The following SPTBN1 variants were observed in gnomAD, a reference collection of about 807,000 sequenced individuals.
SPTBN1 encodes spectrin beta, non-erythrocytic 1.
A neutral mutation model predicts 266.4 loss-of-function variants in SPTBN1; 32 were observed. The ratio of observed to expected loss-of-function variants is 0.12; its 90% CI spans 0.09 to 0.16. The LOEUF is 0.16. SPTBN1 is among the 10% of genes least tolerant of loss of function. The probability of loss-of-function intolerance (pLI) is 1.00; values close to 1 mark genes in which losing one functional copy is unlikely to be tolerated. For missense variants in SPTBN1, 2,296 were observed against 3,067.1 expected, an observed-to-expected ratio of 0.75 and a Z score of 5.94; for synonymous variants, 1,336 against 1,162.2, an observed-to-expected ratio of 1.15 and a Z score of -3.04.
Position 54,632,711 on chromosome 2 carries a change from G to C in SPTBN1, c.3710G>C (p.Ser1237Thr). ...AVVETGRRLV[S>T]DGNINSDRIQ... ...GTGGAGACTGGCCGGAGGCTGGTGA[G>C]CGATGGGAACATCAACTCAGATCGC... Residue 1237 changes from serine (S) to threonine (T), a missense_variant, in exon 17 of 36, where the codon AGC (serine) becomes ACC (threonine). Coordinates refer to ENST00000356805, the MANE Select transcript of SPTBN1 (RefSeq NM_003128.3). The C allele has an allele frequency of 1.2e-6, 2 of 1,614,196 alleles. No individual in the cohort carries two copies. Among genetic ancestry groups the C allele is most frequent in the Non-Finnish European group, 1.7e-6 (2 of 1,180,032 alleles).
intron 3 of SPTBN1, among the ~76,000 whole-genome samples, chr2:54,604,167 A>G (rs1676682768): frequency 6.6e-6 from 1 of 152,176 alleles, no homozygotes; most frequent in Non-Finnish European, 1.5e-5. Context: ...AACCCTTGAT[A>G]GTTGTCACTC....
intron 1 of SPTBN1, among the ~76,000 whole-genome samples, chr2:54,507,671 G>T (rs58947868): frequency 6.6e-6 from 1 of 152,044 alleles, no homozygotes; most frequent in Non-Finnish European, 1.5e-5. Context: ...GTCCAAGGGG[G>T]GTTAGTGTAA....
chr2:54,533,898 TCTCACACACA>T lies in SPTBN1; in HGVS notation c.148+7334_148+7343del, dbSNP rs1671427025. On this transcript the variant is annotated intron_variant, in intron 2 of 35. Transcript: ENST00000356805. This position sits in a 1 kb window ranked among gnomAD's most constrained non-coding sequence, Gnocchi z 4.2. The stretch of plus-strand genomic sequence containing the variant: ...AGATTGATCTCTCTCTCTGTCTCTC[TCTCACACACA>T]CACACACACACACACACACGCACGC... Among the ~76,000 whole-genome samples the T allele has an allele frequency of 2.1e-5, 2 of 93,518 alleles. No individual in the cohort carries two copies. Among genetic ancestry groups the T allele is most frequent in the South Asian group, 7.0e-4 (2 of 2,842 alleles). 61.4% of individuals were successfully genotyped at this position (93,518 alleles called of 152,430 possible).
rs79924562 is a variant in SPTBN1 at position 54,670,210 on chromosome 2, GA to G, written c.*1653del. ...TTTATACAGATCAGACCAAAAAGAAGAAAAAAAAAAAACAGGCAAGAGGTTA... is the reference window on the plus strand; with the variant it reads ...TTTATACAGATCAGACCAAAAAGAAGAAAAAAAAAAACAGGCAAGAGGTTA... On this transcript the variant is annotated 3_prime_UTR_variant, in exon 36 of 36. Transcript: ENST00000356805. 6.4e-4 allele frequency: 91 copies of G among 141,148 alleles called. 1 individual carries two copies. Among genetic ancestry groups the G allele is most frequent in the East Asian group, 2.0e-3 (10 of 4,888 alleles). The allele number at this position is 141,148 out of a possible 1,614,324, so 8.7% of individuals were successfully genotyped here.
chr2:54,579,781 ACT>A (rs1674753245), intron 2 of SPTBN1, among the ~76,000 whole-genome samples: 2 of 152,220 alleles, frequency 1.3e-5, no homozygotes, highest in South Asian at 4.2e-4. Context: ...GACTAAAATG[ACT>A]CTATTGTTTG....
intron 28 of SPTBN1, 151 bp downstream of exon 28, chr2:54,655,359 A>AT: frequency 8.8e-7 from 1 of 1,138,734 alleles, no homozygotes; most frequent in Non-Finnish European, 1.2e-6. Flanking sequence ...GTCTAGAATA[A>AT]TGCAATTATG....
chr2:54,662,165 G>A, intron 32 of SPTBN1: 1 of 985,402 alleles, frequency 1.0e-6, no homozygotes, highest in African/African-American at 1.7e-5. Context: ...GCAACGTGGG[G>A]GGTGGGGTTG....
intron 32 of SPTBN1, 117 bp downstream of exon 32, chr2:54,660,116 T>C (rs911852129): frequency 2.7e-5 from 43 of 1,599,138 alleles, no homozygotes; most frequent in Admixed American, 8.6e-5. Context: ...AGAATCACCC[T>C]TTCCAAATCC....
In SPTBN1 at chr2:54,629,217, G is replaced by A. The variant is rs1678562378; in HGVS notation, c.2083G>A (p.Glu695Lys). Residue 695 changes from glutamate (E) to lysine (K), a missense_variant, in exon 14 of 36, where the codon GAG (glutamate) becomes AAG (lysine). Coordinates refer to ENST00000356805, the MANE Select transcript of SPTBN1 (RefSeq NM_003128.3). Reference sequence around the variant, plus strand: ...GATGAGCGGCCGCAGTGGCCACTTTGAGCAGGCCATCAAGGAAGGCGAAGA... The same window carrying A: ...GATGAGCGGCCGCAGTGGCCACTTTAAGCAGGCCATCAAGGAAGGCGAAGA... ...DEMSGRSGHF[E>K]QAIKEGEDMI... 12 of 1,613,780 alleles carry A rather than the reference G, an allele frequency of 7.4e-6. No homozygotes were observed. Among genetic ancestry groups the A allele is most frequent in the Non-Finnish European group, 8.5e-6 (10 of 1,180,000 alleles).
In SPTBN1 at chr2:54,655,094, A is replaced by C; in HGVS notation, c.5847A>C (p.Leu1949Phe). 1 of 1,614,040 alleles carries C rather than the reference A, an allele frequency of 6.2e-7. No individual in the cohort carries two copies. Among genetic ancestry groups the C allele is most frequent in the Non-Finnish European group, 8.5e-7 (1 of 1,179,946 alleles). Residue 1949 changes from leucine to phenylalanine, a missense_variant, in exon 28 of 36, where the codon TTA (leucine) becomes TTC (phenylalanine). Physicochemically the swap from Leu to Phe is conservative, Grantham distance 22. Coordinates refer to ENST00000356805, the MANE Select transcript of SPTBN1 (RefSeq NM_003128.3). ...GGGATGTATCATCTGTTGAACTCTT[A>C]ATGAATAATCATCAAGGCATCAAAG... Reference protein sequence around the residue: ...KPRDVSSVELLMNNHQGIKAE... With the variant: ...KPRDVSSVELFMNNHQGIKAE...
chr2:54,661,883 GC>G, intron 32 of SPTBN1: 1 of 985,306 alleles, frequency 1.0e-6, no homozygotes, highest in Non-Finnish European at 1.2e-6. Flanking sequence ...TTGCTATCAT[GC>G]CTATTTTTAT....
intron 1 of SPTBN1, among the ~76,000 whole-genome samples, chr2:54,488,099 G>A (rs1434733945): frequency 6.6e-6 from 1 of 152,008 alleles, no homozygotes; most frequent in Non-Finnish European, 1.5e-5. Flanking sequence ...AAAGTGCTGG[G>A]ATTACAGGCG....
intron 1 of SPTBN1, among the ~76,000 whole-genome samples, chr2:54,498,213 T>C (rs1282947117): frequency 6.6e-6 from 1 of 152,192 alleles, no homozygotes; most frequent in East Asian, 1.9e-4. Context: ...ACTAAGTGCT[T>C]CCACTGGGTG....
At chr2:54,537,131 C>G (rs1209514454) in intron 2 of SPTBN1, among the ~76,000 whole-genome samples, 1 of 152,302 alleles carries the variant, frequency 6.6e-6, no homozygotes, top group African/African-American at 2.4e-5. Context: ...GACCTGGAGG[C>G]ATTACTTATA....
chr2:54,650,482 G>A (rs1008180515), intron 26 of SPTBN1, among the ~76,000 whole-genome samples: 1 of 152,192 alleles, frequency 6.6e-6, no homozygotes, highest in African/African-American at 2.4e-5. Flanking sequence ...ACAGAATCTA[G>A]TGTAATCACT....
chr2:54,580,737 G>C (rs1298548008), intron 2 of SPTBN1, among the ~76,000 whole-genome samples: 1 of 152,016 alleles, frequency 6.6e-6, no homozygotes, highest in South Asian at 2.1e-4. Context: ...AGGCCTGGGG[G>C]AGCCAATATG....
intron 2 of SPTBN1, among the ~76,000 whole-genome samples, chr2:54,549,945 G>C (rs1658279058): frequency 6.6e-6 from 1 of 152,162 alleles, no homozygotes; most frequent in East Asian, 1.9e-4. Context: ...CACAGTATCT[G>C]GTCTTTGCCC....
At chr2:54,537,290 T>G (rs1187164701) in intron 2 of SPTBN1, among the ~76,000 whole-genome samples, 1 of 152,214 alleles carries the variant, frequency 6.6e-6, no homozygotes, top group African/African-American at 2.4e-5. Flanking sequence ...GCTAAATGAC[T>G]GAATATCCTT....
chr2:54,665,999 C>T lies in SPTBN1; in HGVS notation c.6744C>T (p.Pro2248=). Residue 2248 remains proline (P), a synonymous_variant, in exon 34 of 36, where the codon CCC becomes CCT. Transcript: ENST00000356805. The part of the protein sequence containing the change: ...KDAKTAASGI[P]YHSEVPVSLK... ...CAAAGACTGCTGCTTCTGGAATTCC[C>T]TACCACAGCGAGGTCCCTGTGAGTT... is the stretch of plus-strand genomic sequence containing the variant. The T allele has an allele frequency of 6.2e-7, 1 of 1,614,124 alleles. No homozygotes were observed. The highest frequency in any genetic ancestry group is 8.5e-7 in the Non-Finnish European group (1 of 1,180,018).
Sources: allele counts gnomAD v4.1 joint callset (sites outside exome capture counted in the v4.1 genomes callset), GRCh38; gene constraint gnomAD v4.1.1; non-coding constraint Gnocchi (gnomAD v3.1); transcripts MANE v1.5; gene names NCBI Gene and HGNC (gene_info 2026-07-23, HGNC 2026-07-21).